The following SNX25 variants were observed in gnomAD, a reference collection of about 807,000 sequenced individuals.
SNX25 encodes sorting nexin-25.
Under a neutral mutation model 113.7 loss-of-function variants are expected in SNX25, and 62 were observed. The ratio of observed to expected loss-of-function variants is 0.55; its 90% CI spans 0.44 to 0.67. The LOEUF (loss-of-function observed/expected upper bound fraction) is 0.67, where lower values mean the gene tolerates loss of function less well. SNX25 is among the 30% of genes least tolerant of loss of function. The pLI, the probability that SNX25 is intolerant of heterozygous loss-of-function variation, is 0.00. For missense variants in SNX25, 1,014 were observed against 1,161.0 expected, an observed-to-expected ratio of 0.87 and a Z score of 1.84; for synonymous variants, 421 against 436.2, an observed-to-expected ratio of 0.97 and a Z score of 0.43.
intron 1 of SNX25, among the ~76,000 whole-genome samples, chr4:185,234,291 T>C (rs948982866): frequency 5.9e-5 from 9 of 152,244 alleles, no homozygotes; most frequent in African/African-American, 2.2e-4. Flanking sequence ...GAAAGGAACC[T>C]GCTATGAAAG....
At chr4:185,353,807 A>C (rs1004594826) in intron 15 of SNX25, among the ~76,000 whole-genome samples, 1 of 152,200 alleles carries the variant, frequency 6.6e-6, no homozygotes, top group Non-Finnish European at 1.5e-5. Context: ...GCACTTTGGG[A>C]GGCCAAGGCG....
downstream of SNX25, among the ~76,000 whole-genome samples, chr4:185,368,105 G>A (rs758294933): frequency 2.0e-5 from 3 of 152,178 alleles, no homozygotes; most frequent in Non-Finnish European, 4.4e-5. Flanking sequence ...GTGAACCTGG[G>A]AGGCGGAGCT....
chr4:185,206,667 A>G (rs1208015593), upstream of SNX25, among the ~76,000 whole-genome samples: 2 of 149,642 alleles, frequency 1.3e-5, no homozygotes, highest in Non-Finnish European at 3.0e-5. Context: ...TCTCAAAAAA[A>G]AAAAAAAAAA....
rs1737524327 is a variant in SNX25, at chr4:185,210,258, A to C, written c.429+3A>C. 1 of 984,616 alleles carries C rather than the reference A, an allele frequency of 1.0e-6. No homozygotes were observed. The highest frequency in any genetic ancestry group is 1.2e-6 in the Non-Finnish European group (1 of 830,008). The allele number at this position is 984,616 out of a possible 1,614,324, so 61.0% of individuals were successfully genotyped here. On this transcript the variant is annotated splice_donor_region_variant and intron_variant, in intron 1 of 18. Transcript: ENST00000652585. This position sits in a 1 kb window ranked among gnomAD's most constrained non-coding sequence, Gnocchi z 4.4. ...CAGCCGCCCGCCGCCCGCCGGGGGTAAGTACCCGACTCCTGGCCGCCCAGC... is the reference window on the plus strand; with the variant it reads ...CAGCCGCCCGCCGCCCGCCGGGGGTCAGTACCCGACTCCTGGCCGCCCAGC...
At chr4:185,304,207 G>A (rs1053532253) in intron 6 of SNX25, among the ~76,000 whole-genome samples, 7 of 152,180 alleles carry the variant, frequency 4.6e-5, no homozygotes, top group Non-Finnish European at 1.0e-4. Context: ...ACATAGAGAC[G>A]TGATCATAGC....
intron 2 of SNX25, among the ~76,000 whole-genome samples, chr4:185,248,333 A>G (rs928449475): frequency 6.6e-6 from 1 of 152,214 alleles, no homozygotes; most frequent in African/African-American, 2.4e-5. Flanking sequence ...AAATTTGGCA[A>G]TTATTCATAA....
At chr4:185,229,796 A>G (rs1289613260) in intron 1 of SNX25, among the ~76,000 whole-genome samples, 4 of 152,196 alleles carry the variant, frequency 2.6e-5, no homozygotes, top group Non-Finnish European at 4.4e-5. Context: ...AGACCATTCC[A>G]GGAAAATAAA....
intron 1 of SNX25, among the ~76,000 whole-genome samples, chr4:185,212,645 G>A (rs576899947): frequency 6.6e-6 from 1 of 152,142 alleles, no homozygotes; most frequent in Non-Finnish European, 1.5e-5. Flanking sequence ...GTGCCTGGCT[G>A]TGTGTGCTTT....
At chr4:185,215,921 C>T (rs568071007) in intron 1 of SNX25, among the ~76,000 whole-genome samples, 14 of 151,854 alleles carry the variant, frequency 9.2e-5, no homozygotes, top group African/African-American at 2.9e-4. Flanking sequence ...CTCACCCTCC[C>T]GAGTAGCTGG....
upstream of SNX25, among the ~76,000 whole-genome samples, chr4:185,205,911 G>A (rs1382502259): frequency 6.6e-6 from 1 of 152,092 alleles, no homozygotes; most frequent in Non-Finnish European, 1.5e-5. Context: ...TATACCAATG[G>A]CCAATAAACA....
chr4:185,207,491 T>A (rs765662959), upstream of SNX25, among the ~76,000 whole-genome samples: 24 of 152,156 alleles, frequency 1.6e-4, no homozygotes, highest in Non-Finnish European at 3.1e-4. Context: ...GTGCTGGGAT[T>A]ACAAGCTTGA....
chr4:185,229,185 G>A (rs370096804), intron 1 of SNX25, among the ~76,000 whole-genome samples: 4 of 150,260 alleles, frequency 2.7e-5, no homozygotes, highest in African/African-American at 9.8e-5. Context: ...GGCGTGGTAC[G>A]ACAGAGGGCC....
chr4:185,323,743 G>A lies in SNX25; in HGVS notation c.1692G>A (p.Leu564=). Residue 564 remains leucine, a synonymous_variant, in exon 9 of 19, where the codon TTG becomes TTA. Coordinates refer to ENST00000652585, the MANE Select transcript of SNX25 (RefSeq NM_001378034.2). The stretch of plus-strand genomic sequence containing the variant: ...TTGTCAGTGACCTGTATGAGAAATT[G>A]TTGATAAAAGAGGAAGAAAAACATG... ...SFIVSDLYEK[L]LIKEEEKHAS... 6.2e-7 allele frequency: 1 copy of A among 1,613,648 alleles called. No individual in the cohort carries two copies. Among genetic ancestry groups the A allele is most frequent in the Admixed American group, 1.7e-5 (1 of 59,984 alleles).
At chr4:185,226,124 C>T (rs1740957743) in intron 1 of SNX25, among the ~76,000 whole-genome samples, 1 of 152,172 alleles carries the variant, frequency 6.6e-6, no homozygotes, top group South Asian at 2.1e-4. Context: ...TCTCTCAATA[C>T]AGCATTCCAG....
chr4:185,378,406 A>T, the SNX25 span: 1 of 1,362,168 alleles, frequency 7.3e-7, no homozygotes. Flanking sequence ...AGAGACAGCC[A>T]TTCTCCATGT....
chr4:185,373,035 C>T, downstream of SNX25: 1 of 1,612,102 alleles, frequency 6.2e-7, no homozygotes, highest in South Asian at 1.1e-5. Context: ...CACCCTGGGA[C>T]TCCAGATTCC....
intron 1 of SNX25, among the ~76,000 whole-genome samples, chr4:185,220,989 C>T (rs1274247265): frequency 2.6e-5 from 4 of 151,958 alleles, no homozygotes; most frequent in South Asian, 2.1e-4. Flanking sequence ...CTCACTCCCC[C>T]GCCAATGGCT....
chr4:185,378,172 A>C, the SNX25 span: 6 of 1,613,944 alleles, frequency 3.7e-6, no homozygotes, highest in Admixed American at 5.0e-5. Flanking sequence ...GCAACTTTTC[A>C]CTGGTCAACT....
At chr4:185,330,399 A>G (rs1020220657) in intron 9 of SNX25, among the ~76,000 whole-genome samples, 8 of 152,242 alleles carry the variant, frequency 5.3e-5, no homozygotes, top group Admixed American at 2.6e-4. Context: ...GACCTTAGCC[A>G]TTAGGCTGAT....
Sources: gnomAD v4.1 joint callset for allele counts (sites outside exome capture counted in the v4.1 genomes callset) on GRCh38, gnomAD v4.1.1 for gene constraint, Gnocchi (gnomAD v3.1) non-coding constraint, MANE v1.5 for transcripts, NCBI Gene and HGNC (gene_info 2026-07-23, HGNC 2026-07-21) for gene names.